CNOT4: variants seen among roughly 807,000 people sequenced by gnomAD.
CNOT4 encodes the protein CCR4-associated factor 4.
A neutral mutation model predicts 73.8 loss-of-function variants in CNOT4; 8 were observed. That is an observed-to-expected ratio of 0.11 (90% CI 0.06 to 0.20). The LOEUF is 0.20. Ranked by LOEUF, CNOT4 falls within the 10% of genes least tolerant of loss-of-function variation. The pLI is 1.00. For synonymous variants in CNOT4, 293 were observed against 321.1 expected (o/e 0.91, Z 0.94); for missense variants, 564 against 883.4 (o/e 0.64, Z 4.58).
In CNOT4 at chr7:135,435,454, T is replaced by C. The variant is rs1799097102; in HGVS notation, c.174+2704A>G. ...AATTTATCAATTTGCTCTTATAATG[T>C]GTCCATTTTGCTTTTCAGGCCATCT... On this transcript the variant is annotated intron_variant, in intron 2 of 11. Coordinates refer to ENST00000541284, the MANE Select transcript of CNOT4 (RefSeq NM_001190850.2). Among the ~76,000 whole-genome samples the C allele has an allele frequency of 2.0e-5, 3 of 152,194 alleles. No individual in the cohort carries two copies. The South Asian group carries it at 6.2e-4, about 32-fold the overall frequency.
At chr7:135,413,221 A>C (rs1427529141) in intron 6 of CNOT4, among the ~76,000 whole-genome samples, 20 of 151,974 alleles carry the variant, frequency 1.3e-4, no homozygotes, top group Admixed American at 1.3e-3. Context: ...TAGCATATTA[A>C]GGACTCTGAA....
chr7:135,483,716 C>T (rs1030338011), intron 1 of CNOT4, among the ~76,000 whole-genome samples: 5 of 151,736 alleles, frequency 3.3e-5, no homozygotes, highest in African/African-American at 4.8e-5. Context: ...CCCAACCACT[C>T]GGGGGGCTGA....
At chr7:135,424,192 T>C (rs531908517) in intron 2 of CNOT4, among the ~76,000 whole-genome samples, 26 of 152,174 alleles carry the variant, frequency 1.7e-4, no homozygotes, top group Admixed American at 5.2e-4. Flanking sequence ...AATTACGTAG[T>C]CATCCACATT....
At chr7:135,399,322 C>A (rs951760149) in intron 7 of CNOT4, among the ~76,000 whole-genome samples, 1 of 152,046 alleles carries the variant, frequency 6.6e-6, no homozygotes, top group South Asian at 2.1e-4. Flanking sequence ...GCCTAGTGCT[C>A]CTACGCTGCA....
At chr7:135,479,764 C>T (rs981551493) in intron 1 of CNOT4, among the ~76,000 whole-genome samples, 1 of 151,874 alleles carries the variant, frequency 6.6e-6, no homozygotes, top group South Asian at 2.1e-4. Context: ...GGGCGTGGTA[C>T]CTGTGGTCCC....
chr7:135,383,552 T>C (rs1262305949), intron 10 of CNOT4, among the ~76,000 whole-genome samples: 2 of 152,254 alleles, frequency 1.3e-5, no homozygotes, highest in African/African-American at 4.8e-5. Context: ...TGCGGATGCA[T>C]GGAATTGCTT....
At chr7:135,457,018 C>T (rs550517892) in intron 1 of CNOT4, among the ~76,000 whole-genome samples, 1 of 151,992 alleles carries the variant, frequency 6.6e-6, no homozygotes, top group African/African-American at 2.4e-5. Flanking sequence ...AGATCACTGG[C>T]TATAAAACCA....
intron 10 of CNOT4, among the ~76,000 whole-genome samples, chr7:135,368,884 C>A (rs1327203815): frequency 6.6e-6 from 1 of 152,172 alleles, no homozygotes; most frequent in Non-Finnish European, 1.5e-5. Context: ...GCATTAATAG[C>A]ACCTAGTGGG....
At chr7:135,502,710 G>A (rs1804064075) in intron 1 of CNOT4, among the ~76,000 whole-genome samples, 1 of 151,206 alleles carries the variant, frequency 6.6e-6, no homozygotes, top group Admixed American at 6.6e-5. Context: ...CAGCTACTGA[G>A]GAGGCTGAGG....
chr7:135,431,481 C>T (rs1332170996), intron 2 of CNOT4, among the ~76,000 whole-genome samples: 1 of 152,102 alleles, frequency 6.6e-6, no homozygotes, highest in African/African-American at 2.4e-5. Flanking sequence ...CGGTGGCTCA[C>T]GCTTGTAATC....
In CNOT4 at chr7:135,362,811, T is replaced by A. The variant is rs769090633; in HGVS notation, c.*74A>T. The A allele has an allele frequency of 7.6e-7, 1 of 1,308,216 alleles. No individual in the cohort carries two copies. The highest frequency in any genetic ancestry group is 1.1e-6 in the Non-Finnish European group (1 of 901,124). 81.0% of individuals were successfully genotyped at this position (1,308,216 alleles called of 1,614,324 possible). The stretch of plus-strand genomic sequence containing the variant: ...AGAACATAAGAGATGAGAAGGGAGC[T>A]GTGGGTGGTGGGCTGAGAGGGAGAA... On this transcript the variant is annotated 3_prime_UTR_variant, in exon 12 of 12. Transcript: ENST00000541284.
intron 2 of CNOT4, among the ~76,000 whole-genome samples, chr7:135,425,362 A>G (rs1798435022): frequency 6.6e-6 from 1 of 152,224 alleles, no homozygotes; most frequent in South Asian, 2.1e-4. Context: ...ATACATGAAC[A>G]CAAAAAAATT....
At chr7:135,443,188 CAAAAA>C (rs61062618) in intron 1 of CNOT4, among the ~76,000 whole-genome samples, 1 of 133,942 alleles carries the variant, frequency 7.5e-6, no homozygotes, top group Non-Finnish European at 1.6e-5. Context: ...CTATCTCTAC[CAAAAA>C]AAAAAAAAAA....
chr7:135,444,616 A>T, intron 1 of CNOT4: 1 of 1,294,200 alleles, frequency 7.7e-7, no homozygotes, highest in Non-Finnish European at 1.1e-6. Context: ...TCACCGAGCC[A>T]CCATTCTGGT....
At chr7:135,375,421 A>G (rs764214291) in intron 10 of CNOT4, among the ~76,000 whole-genome samples, 6 of 152,210 alleles carry the variant, frequency 3.9e-5, no homozygotes, top group Non-Finnish European at 8.8e-5. Context: ...TAACAATTTT[A>G]CCCTAAAGAA....
At chr7:135,420,287 AG>A (rs757002291) in intron 3 of CNOT4, among the ~76,000 whole-genome samples, 166 of 151,906 alleles carry the variant, frequency 1.1e-3, no homozygotes, top group Non-Finnish European at 2.1e-3. Context: ...ACGTGAAAGT[AG>A]ATTCTAGGTT....
chr7:135,404,848 G>C (rs1401771572), intron 7 of CNOT4, among the ~76,000 whole-genome samples: 1 of 152,152 alleles, frequency 6.6e-6, no homozygotes, highest in African/African-American at 2.4e-5. Context: ...CTCAGGGAAA[G>C]TTTGCTAAAA....
chr7:135,466,877 T>A (rs1801256154), intron 1 of CNOT4, among the ~76,000 whole-genome samples: 1 of 152,228 alleles, frequency 6.6e-6, no homozygotes, highest in Admixed American at 6.5e-5. Context: ...CCAAATAGCC[T>A]AGGTGTACAG....
intron 10 of CNOT4, chr7:135,387,748 A>G (rs1796193292): frequency 2.0e-6 from 2 of 979,462 alleles, no homozygotes. Context: ...AACTATTTCA[A>G]GAAATGTGTT....
Sources: gnomAD v4.1 joint callset for allele counts (sites outside exome capture counted in the v4.1 genomes callset) on GRCh38, gnomAD v4.1.1 for gene constraint, MANE v1.5 for transcripts, NCBI Gene and HGNC (gene_info 2026-07-23, HGNC 2026-07-21) for gene names.